Variants in SLCO6A1 observed in about 807,000 individuals in gnomAD.
The protein encoded by SLCO6A1 is cancer/testis antigen 48.
SLCO6A1 carries 65 observed loss-of-function variants against 72.7 expected under a neutral mutation model. The observed-to-expected ratio is 0.89, with a 90% CI of 0.73 to 1.10. The LOEUF is 1.10. Ranked by LOEUF, SLCO6A1 falls within the 50% of genes least tolerant of loss-of-function variation. The probability of loss-of-function intolerance (pLI) is 0.00; values close to 1 mark genes in which losing one functional copy is unlikely to be tolerated. For synonymous variants in SLCO6A1, 314 were observed against 298.2 expected, an observed-to-expected ratio of 1.05 and a Z score of -0.55; for missense variants, 874 against 872.6, an observed-to-expected ratio of 1.00 and a Z score of -0.02.
intron 4 of SLCO6A1, among the ~76,000 whole-genome samples, chr5:102,461,704 A>T (rs1751047540): frequency 6.6e-6 from 1 of 152,150 alleles, no homozygotes; most frequent in Admixed American, 6.5e-5. Context: ...GTGCAATTAG[A>T]TATCCTGTTG....
chr5:102,430,392 T>C (rs1466508692), intron 7 of SLCO6A1, among the ~76,000 whole-genome samples: 2 of 152,182 alleles, frequency 1.3e-5, no homozygotes, highest in South Asian at 2.1e-4. Flanking sequence ...TCAAGGGGAA[T>C]GCTTCCAGCT....
chr5:102,372,727 T>C (rs964877581), intron 13 of SLCO6A1, among the ~76,000 whole-genome samples: 7 of 151,004 alleles, frequency 4.6e-5, no homozygotes. Flanking sequence ...TAGAAGTATA[T>C]GAGTATATTG....
chr5:102,409,641 A>G (rs950531872), intron 9 of SLCO6A1, among the ~76,000 whole-genome samples: 4 of 152,192 alleles, frequency 2.6e-5, no homozygotes, highest in African/African-American at 7.2e-5. Context: ...CCTATTAGGC[A>G]ATTTCTTTCA....
intron 12 of SLCO6A1, among the ~76,000 whole-genome samples, chr5:102,384,743 A>G: frequency 6.6e-6 from 1 of 152,094 alleles, no homozygotes; most frequent in East Asian, 1.9e-4. Context: ...AATCATCACT[A>G]TTATAGTAAT....
intron 9 of SLCO6A1, among the ~76,000 whole-genome samples, chr5:102,404,852 C>T (rs1331889180): frequency 6.6e-6 from 1 of 151,970 alleles, no homozygotes; most frequent in African/African-American, 2.4e-5. Context: ...AGAAATTAAA[C>T]CAAAGAGCAA....
At chr5:102,418,979 T>C (rs960657802) in intron 8 of SLCO6A1, among the ~76,000 whole-genome samples, 1 of 152,124 alleles carries the variant, frequency 6.6e-6, no homozygotes, top group Admixed American at 6.6e-5. Context: ...AATTTTTTTC[T>C]CTTTAGACTC....
At chr5:102,471,705 A>G (rs756270447) in intron 4 of SLCO6A1, among the ~76,000 whole-genome samples, 2 of 152,042 alleles carry the variant, frequency 1.3e-5, no homozygotes, top group Non-Finnish European at 2.9e-5. Context: ...TAGTTCTGGA[A>G]CCCTATTGCT....
chr5:102,375,586 G>T (rs1745738534), intron 12 of SLCO6A1, among the ~76,000 whole-genome samples: 1 of 152,104 alleles, frequency 6.6e-6, no homozygotes, highest in Admixed American at 6.6e-5. Context: ...AGAGTTTCTA[G>T]CAGTTGGAAT....
chr5:102,428,233 A>T (rs1749025354), intron 7 of SLCO6A1, among the ~76,000 whole-genome samples: 1 of 152,074 alleles, frequency 6.6e-6, no homozygotes, highest in Admixed American at 6.6e-5. Flanking sequence ...AGTTCTTGAA[A>T]AAAAGATAAT....
At chr5:102,424,772 G>A (rs1477032164) in intron 7 of SLCO6A1, among the ~76,000 whole-genome samples, 1 of 152,130 alleles carries the variant, frequency 6.6e-6, no homozygotes, top group Non-Finnish European at 1.5e-5. Flanking sequence ...TTCATTTTAT[G>A]AGGCCAGCAT....
chr5:102,495,789 G>A (rs1254053453), intron 1 of SLCO6A1, among the ~76,000 whole-genome samples: 1 of 151,776 alleles, frequency 6.6e-6, no homozygotes, highest in Non-Finnish European at 1.5e-5. Context: ...AAGAGAGGAA[G>A]GGAGGGAAAA....
At chr5:102,489,708 T>C (rs1424561170) in intron 1 of SLCO6A1, among the ~76,000 whole-genome samples, 1 of 152,078 alleles carries the variant, frequency 6.6e-6, no homozygotes, top group Non-Finnish European at 1.5e-5. Context: ...AAACTAAAAA[T>C]AGAACTACCA....
At chr5:102,376,110 G>T (rs906014142) in intron 12 of SLCO6A1, among the ~76,000 whole-genome samples, 1 of 152,062 alleles carries the variant, frequency 6.6e-6, no homozygotes. Flanking sequence ...CTAACTTCTC[G>T]CCAGAAACAA....
At chr5:102,382,867 G>GT (rs1306053288) in intron 12 of SLCO6A1, among the ~76,000 whole-genome samples, 6 of 150,086 alleles carry the variant, frequency 4.0e-5, no homozygotes, top group Non-Finnish European at 7.4e-5. Flanking sequence ...AGTTTTAACA[G>GT]TTTTTTGGTG....
At chr5:102,399,213 A>C (rs1747263187) in intron 10 of SLCO6A1, among the ~76,000 whole-genome samples, 1 of 152,104 alleles carries the variant, frequency 6.6e-6, no homozygotes, top group Non-Finnish European at 1.5e-5. Context: ...GTAAATAGTT[A>C]ATAAATTCCT....
At chr5:102,380,521 C>T (rs1181591350) in intron 12 of SLCO6A1, among the ~76,000 whole-genome samples, 1 of 151,874 alleles carries the variant, frequency 6.6e-6, no homozygotes, top group Non-Finnish European at 1.5e-5. Context: ...ATATGTGTGC[C>T]AAATTTTCCA....
chr5:102,454,120 A>G (rs536491969), intron 6 of SLCO6A1, among the ~76,000 whole-genome samples: 2 of 152,256 alleles, frequency 1.3e-5, no homozygotes, highest in East Asian at 3.9e-4. Context: ...GGTAGCTACG[A>G]TGCTGGCCTT....
At chr5:102,489,219 T>C (rs1561502740) in intron 1 of SLCO6A1, among the ~76,000 whole-genome samples, 1 of 152,242 alleles carries the variant, frequency 6.6e-6, no homozygotes, top group Non-Finnish European at 1.5e-5. Flanking sequence ...ACCTCAGACC[T>C]GCAAGGATTT....
chr5:102,427,153 C>G (rs952440727), intron 7 of SLCO6A1, among the ~76,000 whole-genome samples: 5 of 151,474 alleles, frequency 3.3e-5, no homozygotes, highest in Non-Finnish European at 5.9e-5. Flanking sequence ...AATAAGAAAC[C>G]TGGATATTAA....
Sources: gnomAD v4.1 joint callset for allele counts (sites outside exome capture counted in the v4.1 genomes callset) on GRCh38, gnomAD v4.1.1 for gene constraint, MANE v1.5 for transcripts, NCBI Gene and HGNC (gene_info 2026-07-23, HGNC 2026-07-21) for gene names.